Variants in KSR1 observed in about 807,000 individuals in gnomAD.
KSR1 encodes the protein kinase suppressor of ras 1, also known as kinase suppressor of ras.
KSR1 carries 35 observed loss-of-function variants against 92.9 expected under a neutral mutation model. That is an observed-to-expected ratio of 0.38 (90% CI 0.29 to 0.50). KSR1 has a LOEUF of 0.50. KSR1 is among the 20% of genes least tolerant of loss of function. KSR1 has a pLI of 0.94. For synonymous variants in KSR1, 467 were observed against 472.6 expected (o/e 0.99, Z 0.15); for missense variants, 972 against 1,158.5 (o/e 0.84, Z 2.34).
intron 1 of KSR1, among the ~76,000 whole-genome samples, chr17:27,519,429 G>A (rs567340070): frequency 2.6e-5 from 4 of 152,214 alleles, no homozygotes; most frequent in East Asian, 1.9e-4. Flanking sequence ...CCCCACACCC[G>A]TGTTACAGCT....
At chr17:27,516,863 A>G (rs1391909544) in intron 1 of KSR1, among the ~76,000 whole-genome samples, 1 of 152,202 alleles carries the variant, frequency 6.6e-6, no homozygotes, top group Non-Finnish European at 1.5e-5. Flanking sequence ...GTGAGACATA[A>G]TGACTAGTCT....
chr17:27,548,702 C>T (rs755802419), intron 1 of KSR1, among the ~76,000 whole-genome samples: 2 of 152,110 alleles, frequency 1.3e-5, no homozygotes, highest in African/African-American at 2.4e-5. Flanking sequence ...TGGTGGCATG[C>T]GCCTATACTT....
At chr17:27,470,285 A>G (rs1369754980) in intron 1 of KSR1, among the ~76,000 whole-genome samples, 1 of 137,298 alleles carries the variant, frequency 7.3e-6, no homozygotes, top group African/African-American at 2.9e-5. Flanking sequence ...TCTGTGGCCC[A>G]GGCTGGAGTG....
chr17:27,504,570 G>C (rs185476044), intron 1 of KSR1, among the ~76,000 whole-genome samples: 24 of 152,308 alleles, frequency 1.6e-4, no homozygotes, highest in African/African-American at 5.8e-4. Context: ...CCTGGGCAGG[G>C]AGAAGGGCTG....
chr17:27,576,370 T>C (rs1410761786), intron 2 of KSR1, among the ~76,000 whole-genome samples: 1 of 152,194 alleles, frequency 6.6e-6, no homozygotes, highest in Non-Finnish European at 1.5e-5. Flanking sequence ...CTGATAAAGT[T>C]AGTAAGTTGG....
intron 11 of KSR1, chr17:27,602,021 T>A (rs906260562): frequency 5.4e-6 from 6 of 1,107,388 alleles, no homozygotes; most frequent in Non-Finnish European, 6.7e-6. Context: ...TGTACCAACC[T>A]TTTCATTCCT....
intron 1 of KSR1, among the ~76,000 whole-genome samples, chr17:27,511,538 G>A (rs1043447936): frequency 5.9e-5 from 9 of 152,238 alleles, no homozygotes; most frequent in Admixed American, 5.2e-4. Flanking sequence ...ACCCCACTCA[G>A]GAGGGGCCTG....
At chr17:27,564,669 C>T (rs943873755) in intron 2 of KSR1, among the ~76,000 whole-genome samples, 1 of 151,862 alleles carries the variant, frequency 6.6e-6, no homozygotes, top group Non-Finnish European at 1.5e-5. Context: ...CCAGAGAAGG[C>T]TCTGATTGGC....
At chr17:27,508,466 T>C in intron 1 of KSR1, among the ~76,000 whole-genome samples, 1 of 152,308 alleles carries the variant, frequency 6.6e-6, no homozygotes, top group East Asian at 1.9e-4. Flanking sequence ...CCTGGAGTCC[T>C]GCTATTTGTA....
intron 1 of KSR1, among the ~76,000 whole-genome samples, chr17:27,520,772 G>C (rs2069991231): frequency 6.6e-6 from 1 of 152,230 alleles, no homozygotes; most frequent in Non-Finnish European, 1.5e-5. Flanking sequence ...CGAGGGTGGG[G>C]CGGCCCCCTG....
At chr17:27,585,919 C>G in intron 5 of KSR1, 2 of 545,532 alleles carry the variant, frequency 3.7e-6, no homozygotes. Context: ...ACAGGCAGCC[C>G]CATGAAGAGC....
At chr17:27,528,038 G>T (rs2070383700) in intron 1 of KSR1, among the ~76,000 whole-genome samples, 1 of 152,078 alleles carries the variant, frequency 6.6e-6, no homozygotes, top group South Asian at 2.1e-4. Flanking sequence ...TATCGAGTAG[G>T]TATTCTGTGT....
rs754753981 is a variant in KSR1 at position 27,604,694 on chromosome 17, C to T, written c.1580C>T (p.Pro527Leu). The T allele has an allele frequency of 1.6e-5, 26 of 1,614,036 alleles. No homozygotes were observed. The Admixed American group carries it at 2.3e-4, about 14-fold the overall frequency. ...TTTACTCTTAGGCTCGATGACCAGC[C>T]GAAAGCAGATGTGTTGGAAGCTCAC... ...AADGTRLDDQ[P>L]KADVLEAHEA... Residue 527 changes from proline (P) to leucine (L), a missense_variant, in exon 13 of 21, where the codon CCG (proline) becomes CTG (leucine). Transcript: ENST00000644974.
intron 1 of KSR1, among the ~76,000 whole-genome samples, chr17:27,536,877 A>G (rs2070771245): frequency 6.6e-6 from 1 of 152,196 alleles, no homozygotes; most frequent in African/African-American, 2.4e-5. Flanking sequence ...GTAGCCACAG[A>G]CCAACCCAGG....
At chr17:27,586,605 C>A (rs1295630347) in intron 5 of KSR1, among the ~76,000 whole-genome samples, 1 of 152,200 alleles carries the variant, frequency 6.6e-6, no homozygotes, top group Non-Finnish European at 1.5e-5. Context: ...ACATTCAACA[C>A]CCCCATCTCT....
chr17:27,505,608 C>T (rs1338073968), intron 1 of KSR1, among the ~76,000 whole-genome samples: 1 of 152,166 alleles, frequency 6.6e-6, no homozygotes, highest in Non-Finnish European at 1.5e-5. Flanking sequence ...CCCTGTGATT[C>T]AGTTGCTTTA....
In KSR1 at chr17:27,583,026, C is replaced by T. The variant is rs1400676680; in HGVS notation, c.901C>T (p.Pro301Ser). Residue 301 changes from proline (P) to serine (S), a missense_variant, in exon 4 of 21, where the codon CCC becomes TCC. Transcript: ENST00000644974. ...CAGCCGCAAGGTCTTCCAGCTGCTG[C>T]CCAGCTTCCCCACACTCACCCGGAG... ...PPSRKVFQLL[P>S]SFPTLTRSKS... 9 of 1,608,658 alleles carry T rather than the reference C, an allele frequency of 5.6e-6. No homozygotes were observed. The highest frequency in any genetic ancestry group is 7.6e-6 in the Non-Finnish European group (9 of 1,178,062).
At chr17:27,548,839 G>GA (rs2071286173) in intron 1 of KSR1, among the ~76,000 whole-genome samples, 2 of 144,774 alleles carry the variant, frequency 1.4e-5, no homozygotes. Context: ...AAAAAAAAAA[G>GA]AAAAATATAG....
chr17:27,462,127 G>C (rs556951012), intron 1 of KSR1, among the ~76,000 whole-genome samples: 1 of 152,296 alleles, frequency 6.6e-6, no homozygotes, highest in South Asian at 2.1e-4. Flanking sequence ...TTGATCACCT[G>C]TTCTATGTTG....
Sources: allele counts gnomAD v4.1 joint callset (sites outside exome capture counted in the v4.1 genomes callset), GRCh38; gene constraint gnomAD v4.1.1; transcripts MANE v1.5; gene names NCBI Gene and HGNC (gene_info 2026-07-23, HGNC 2026-07-21).